The following FHIT variants were observed in gnomAD, a reference collection of about 807,000 sequenced individuals.
The protein encoded by FHIT is bis(5'-adenosyl)-triphosphatase.
FHIT carries 19 observed loss-of-function variants against 17.9 expected under a neutral mutation model. That is an observed-to-expected ratio of 1.06 (90% confidence interval 0.74 to 1.56). The LOEUF (loss-of-function observed/expected upper bound fraction) is 1.56, where lower values mean the gene tolerates loss of function less well. FHIT is among the 40% of genes most tolerant of loss of function. The pLI is 0.00. For missense variants in FHIT, 248 were observed against 189.2 expected (o/e 1.31, Z -1.82); for synonymous variants, 81 against 69.7 (o/e 1.16, Z -0.81).
intron 8 of FHIT, among the ~76,000 whole-genome samples, chr3:59,871,370 T>A (rs567659448): frequency 6.6e-6 from 1 of 152,232 alleles, no homozygotes; most frequent in African/African-American, 2.4e-5. Flanking sequence ...TGTAAGAATC[T>A]CAACAATTTT....
intron 5 of FHIT, among the ~76,000 whole-genome samples, chr3:60,090,765 A>G (rs9817116): frequency 0.69 from 104,386 of 151,970 alleles, 36,157 homozygotes; most frequent in East Asian, 0.78. Flanking sequence ...GGCCACACAG[A>G]CTTTGGGTGA....
At chr3:59,752,029 G>C (rs1371064718) in intron 9 of FHIT, 192 bp downstream of exon 9, 1 of 476,800 alleles carries the variant, frequency 2.1e-6, no homozygotes, top group East Asian at 3.4e-5. Flanking sequence ...AGGCAGGAGA[G>C]TTGGAAGAGA....
chr3:61,035,841 C>T (rs1408723552), intron 3 of FHIT, among the ~76,000 whole-genome samples: 5 of 152,172 alleles, frequency 3.3e-5, no homozygotes, highest in Non-Finnish European at 7.3e-5. Context: ...AGTCCCTCCA[C>T]CTCACTCTTC....
intron 4 of FHIT, among the ~76,000 whole-genome samples, chr3:60,633,330 T>C (rs781933614): frequency 6.6e-5 from 10 of 152,184 alleles, no homozygotes; most frequent in Admixed American, 1.3e-4. Flanking sequence ...AGAGGAATAA[T>C]GAAAGCTCCA....
At chr3:59,949,146 A>G (rs980319257) in intron 7 of FHIT, among the ~76,000 whole-genome samples, 1 of 152,344 alleles carries the variant, frequency 6.6e-6, no homozygotes, top group South Asian at 2.1e-4. Flanking sequence ...CATATACCAG[A>G]GTTTTGAGAA....
intron 4 of FHIT, among the ~76,000 whole-genome samples, chr3:60,677,739 G>A (rs1204501504): frequency 6.6e-6 from 1 of 152,118 alleles, no homozygotes; most frequent in Non-Finnish European, 1.5e-5. Flanking sequence ...TCAGTAGGAT[G>A]AGTATCAGTT....
At chr3:59,756,756 T>C (rs1701240774) in intron 8 of FHIT, among the ~76,000 whole-genome samples, 1 of 152,132 alleles carries the variant, frequency 6.6e-6, no homozygotes, top group Admixed American at 6.5e-5. Flanking sequence ...TGCAGGAAGA[T>C]AAAATTCAAG....
At chr3:59,864,139 A>AG (rs34397608) in intron 8 of FHIT, among the ~76,000 whole-genome samples, 11,507 of 152,252 alleles carry the variant, frequency 0.076, 526 homozygotes, top group Non-Finnish European at 0.11. Context: ...CACAGTACCT[A>AG]GCTAACCCAC....
chr3:60,882,711 A>G (rs1553758285), intron 3 of FHIT, among the ~76,000 whole-genome samples: 1 of 152,150 alleles, frequency 6.6e-6, no homozygotes, highest in African/African-American at 2.4e-5. Context: ...GAATAAGTGC[A>G]CCTCAACATA....
At chr3:60,130,939 A>C (rs116583085) in intron 5 of FHIT, among the ~76,000 whole-genome samples, 2,992 of 149,944 alleles carry the variant, frequency 0.02, 61 homozygotes, top group Non-Finnish European at 0.024. Context: ...ATGTTTATAT[A>C]TATACATATG....
At chr3:60,377,487 T>G in intron 5 of FHIT, among the ~76,000 whole-genome samples, 1 of 121,696 alleles carries the variant, frequency 8.2e-6, no homozygotes, top group Non-Finnish European at 1.7e-5. Flanking sequence ...TTTTTTTTTT[T>G]TTTTTGAGAC....
rs764776172 is a variant in FHIT at position 59,888,735 on chromosome 3, CAG to C, written c.348+33609_348+33610del. 9.8e-5 allele frequency among the ~76,000 whole-genome samples: 15 copies of C among 152,298 alleles called. No homozygotes were observed. The East Asian group carries it at 2.7e-3, about 27-fold the overall frequency. On this transcript the variant is annotated intron_variant, in intron 8 of 9. Coordinates refer to ENST00000492590, the MANE Select transcript of FHIT (RefSeq NM_002012.4). Reference sequence around the variant, plus strand: ...GTCCAACATGACCTTTAGAAAGACTCAGAGTTTGGCTTTGTGTTTCTCATCTG... The same window carrying C: ...GTCCAACATGACCTTTAGAAAGACTCAGTTTGGCTTTGTGTTTCTCATCTG...
chr3:60,713,198 A>C (rs2041587667), intron 4 of FHIT, among the ~76,000 whole-genome samples: 1 of 151,818 alleles, frequency 6.6e-6, no homozygotes, highest in South Asian at 2.1e-4. Context: ...AATGAAATGA[A>C]GGCAGAAATA....
chr3:60,973,672 C>T (rs1029597149), intron 3 of FHIT, among the ~76,000 whole-genome samples: 5 of 152,258 alleles, frequency 3.3e-5, no homozygotes, highest in Non-Finnish European at 5.9e-5. Context: ...AAGCTGGTCA[C>T]ATTCTCATCA....
intron 4 of FHIT, among the ~76,000 whole-genome samples, chr3:60,773,289 CA>C: frequency 6.6e-6 from 1 of 152,304 alleles, no homozygotes; most frequent in East Asian, 1.9e-4. Flanking sequence ...ATCCCAAGGT[CA>C]AAACCAAGAA....
At chr3:60,837,546 C>A (rs1489239901) in intron 3 of FHIT, among the ~76,000 whole-genome samples, 1 of 152,116 alleles carries the variant, frequency 6.6e-6, no homozygotes, top group Non-Finnish European at 1.5e-5. Context: ...ATTTTTTAAA[C>A]AATTCTGCTA....
chr3:60,000,211 A>G lies in FHIT; in HGVS notation c.279+11160T>C, dbSNP rs568087244. 2.4e-3 allele frequency among the ~76,000 whole-genome samples: 372 copies of G among 152,278 alleles called. 3 individuals carry two copies. Among genetic ancestry groups the G allele is most frequent in the Non-Finnish European group, 3.9e-3 (264 of 68,024 alleles). On this transcript the variant is annotated intron_variant, in intron 7 of 9. Coordinates refer to ENST00000492590, the MANE Select transcript of FHIT (RefSeq NM_002012.4). ...GTGTAGGATTCCTAAAGTCAAGGGA[A>G]TCCTACACTCTAAATAGCTTAGGAA...
chr3:60,372,586 G>T (rs73090040), intron 5 of FHIT, among the ~76,000 whole-genome samples: 1 of 152,094 alleles, frequency 6.6e-6, no homozygotes, highest in Non-Finnish European at 1.5e-5. Flanking sequence ...GTACAAGTTC[G>T]GGCCGATCTA....
intron 1 of FHIT, among the ~76,000 whole-genome samples, chr3:61,246,081 C>T (rs759398082): frequency 1.3e-5 from 2 of 152,204 alleles, no homozygotes; most frequent in Non-Finnish European, 2.9e-5. Context: ...TATACTCCCT[C>T]CAGCGCCATG....
Sources: allele counts gnomAD v4.1 joint callset (sites outside exome capture counted in the v4.1 genomes callset), GRCh38; gene constraint gnomAD v4.1.1; transcripts MANE v1.5; gene names NCBI Gene and HGNC (gene_info 2026-07-23, HGNC 2026-07-21).